Variants in ASS1 observed in about 807,000 individuals in gnomAD.
ASS1 encodes argininosuccinate synthase 1.
Under a neutral mutation model 60.5 loss-of-function variants are expected in ASS1, and 58 were observed. The ratio of observed to expected loss-of-function variants is 0.96; its 90% CI spans 0.78 to 1.19. The LOEUF is 1.19. Among genes scored for constraint, ASS1 ranks in the 50% most tolerant of loss-of-function variants. ASS1 has a pLI of 0.00. For missense variants in ASS1, 454 were observed against 547.3 expected, an observed-to-expected ratio of 0.83 and a Z score of 1.70; for synonymous variants, 200 against 206.9, an observed-to-expected ratio of 0.97 and a Z score of 0.29.
intron 1 of ASS1, among the ~76,000 whole-genome samples, chr9:130,445,531 G>A (rs1429386593): frequency 1.3e-5 from 2 of 152,228 alleles, no homozygotes; most frequent in African/African-American, 4.8e-5. Context: ...AGATGGGCAT[G>A]GTGGCCCTGG....
At chr9:130,450,051 C>T (rs1011827928) in intron 1 of ASS1, among the ~76,000 whole-genome samples, 2 of 152,204 alleles carry the variant, frequency 1.3e-5, no homozygotes, top group Non-Finnish European at 2.9e-5. Flanking sequence ...ACACCACCCG[C>T]GCCATCACAC....
intron 2 of ASS1, 88 bp downstream of exon 2, chr9:130,452,421 C>A: frequency 8.6e-7 from 1 of 1,157,708 alleles, no homozygotes; most frequent in Non-Finnish European, 1.3e-6. Context: ...GGGTTGTCAG[C>A]CTGTCTGCTC....
intron 1 of ASS1, among the ~76,000 whole-genome samples, chr9:130,448,144 G>T (rs1209677827): frequency 1.3e-5 from 2 of 151,858 alleles, no homozygotes; most frequent in African/African-American, 4.8e-5. Context: ...TTTGCCTCGG[G>T]CTGCAAATGC....
chr9:130,487,400 G>GTTT (rs34339017), intron 11 of ASS1, among the ~76,000 whole-genome samples: 1 of 147,516 alleles, frequency 6.8e-6, no homozygotes, highest in African/African-American at 2.5e-5. Context: ...ATCCTTCATG[G>GTTT]TTTTTTTTTT....
At chr9:130,496,168 C>T (rs1262206911) in intron 13 of ASS1, among the ~76,000 whole-genome samples, 3 of 152,064 alleles carry the variant, frequency 2.0e-5, no homozygotes. Flanking sequence ...CACCTGTAAT[C>T]CCAACTCTTT....
intron 4 of ASS1, among the ~76,000 whole-genome samples, chr9:130,462,470 CAG>C (rs940677716): frequency 6.6e-6 from 1 of 152,160 alleles, no homozygotes; most frequent in Non-Finnish European, 1.5e-5. Flanking sequence ...GAGACGAGGG[CAG>C]AGTTTGAACC....
At position 130,494,742 on chromosome 9, in the gene ASS1, G is replaced by A. The variant is rs367732408; in HGVS notation, c.971-125G>A. On this transcript the variant is annotated intron_variant, in intron 12 of 14. Transcript: ENST00000352480. The surrounding 1 kb of genome is among the most constrained non-coding windows in gnomAD (Gnocchi z 4.3). ...GGCAAGCGCACATTGTGCCAGTCTC[G>A]CGGGAGGCAGTCATGGTCTGCATGG... is the stretch of plus-strand genomic sequence containing the variant. 55 of 1,270,270 alleles carry A rather than the reference G, an allele frequency of 4.3e-5. No homozygotes were observed. Among genetic ancestry groups the A allele is most frequent in the African/African-American group, 1.2e-4 (8 of 68,010 alleles). The allele number at this position is 1,270,270 out of a possible 1,614,324, so 78.7% of individuals were successfully genotyped here.
chr9:130,458,686 G>T, intron 4 of ASS1, 97 bp downstream of exon 4: 2 of 1,488,884 alleles, frequency 1.3e-6, no homozygotes, highest in South Asian at 2.5e-5. Context: ...GTGTGCCTCC[G>T]GGGCAGACTT....
intron 5 of ASS1, among the ~76,000 whole-genome samples, chr9:130,465,067 T>TTCTTTTTC (rs1845703383): frequency 1.4e-5 from 2 of 147,470 alleles, no homozygotes; most frequent in Non-Finnish European, 3.0e-5. Context: ...TTTTTTTTTT[T>TTCTTTTTC]TCTTTTTCTG....
chr9:130,481,526 C>T (rs537605060), intron 11 of ASS1, among the ~76,000 whole-genome samples: 67 of 152,332 alleles, frequency 4.4e-4, no homozygotes, highest in Admixed American at 4.1e-3. Flanking sequence ...CCGATCACCC[C>T]ATGTGGGCCA....
chr9:130,461,381 G>A (rs1011059428), intron 4 of ASS1, among the ~76,000 whole-genome samples: 1 of 136,980 alleles, frequency 7.3e-6, no homozygotes, highest in African/African-American at 2.5e-5. Context: ...AGGCCTTGGG[G>A]GCCGACAAAG....
intron 13 of ASS1, among the ~76,000 whole-genome samples, chr9:130,498,519 C>A (rs1192040312): frequency 2.6e-5 from 4 of 152,234 alleles, no homozygotes; most frequent in African/African-American, 9.6e-5. Flanking sequence ...TTCCTTGGCA[C>A]CTGGCCCAGC....
intron 6 of ASS1, among the ~76,000 whole-genome samples, chr9:130,468,830 G>A (rs918798633): frequency 2.2e-4 from 34 of 152,206 alleles, no homozygotes; most frequent in African/African-American, 8.0e-4. Flanking sequence ...TACAAGGTGG[G>A]AGCTAGAAAC....
At chr9:130,454,883 C>T (rs1845406343) in intron 3 of ASS1, among the ~76,000 whole-genome samples, 2 of 151,548 alleles carry the variant, frequency 1.3e-5, no homozygotes, top group Non-Finnish European at 2.9e-5. Context: ...ATCCACCCAT[C>T]CATCCATCAC....
chr9:130,495,771 A>G (rs754556230), intron 13 of ASS1, among the ~76,000 whole-genome samples: 1 of 152,040 alleles, frequency 6.6e-6, no homozygotes, highest in Non-Finnish European at 1.5e-5. Context: ...TGATTCCTGG[A>G]CTAGATAGCA....
chr9:130,478,047 C>A lies in ASS1; in HGVS notation c.688+1086C>A, dbSNP rs926684009. 1.3e-5 allele frequency among the ~76,000 whole-genome samples: 2 copies of A among 152,180 alleles called. No homozygotes were observed. ...GGCCTTGGGTGCACTCATCAAAAAA[C>A]GGACCACAGGCATGATGCTCACAGG... On this transcript the variant is annotated intron_variant, in intron 9 of 14. Coordinates refer to ENST00000352480, the MANE Select transcript of ASS1 (RefSeq NM_054012.4). The surrounding 1 kb of genome is among the most constrained non-coding windows in gnomAD (Gnocchi z 4.7).
In ASS1 at chr9:130,491,456, G is replaced by A. The variant is rs551827272; in HGVS notation, c.970+1992G>A. 7.9e-5 allele frequency among the ~76,000 whole-genome samples: 12 copies of A among 152,312 alleles called. No homozygotes were observed. In the South Asian group the frequency reaches 2.5e-3, roughly 32 times the overall value. ...TATTATCTAATATTAGCTGCGCAGAGGTGAGGAAACGGAGGCCCCCAGGTG... is the reference window on the plus strand; with the variant it reads ...TATTATCTAATATTAGCTGCGCAGAAGTGAGGAAACGGAGGCCCCCAGGTG... On this transcript the variant is annotated intron_variant, in intron 12 of 14. Coordinates refer to ENST00000352480, the MANE Select transcript of ASS1 (RefSeq NM_054012.4). The surrounding 1 kb of genome is among the most constrained non-coding windows in gnomAD (Gnocchi z 5.3).
At chr9:130,451,589 TCTC>T (rs1845327062) in intron 1 of ASS1, 1 of 348,862 alleles carries the variant, frequency 2.9e-6, no homozygotes, top group African/African-American at 2.1e-5. Context: ...ACAGCATCCT[TCTC>T]CACCTGCAGG....
rs142638337 is a variant in ASS1 at position 130,489,285 on chromosome 9, C to T, written c.839-48C>T. On this transcript the variant is annotated intron_variant, in intron 11 of 14. Coordinates refer to ENST00000352480, the MANE Select transcript of ASS1 (RefSeq NM_054012.4). The surrounding 1 kb of genome is among the most constrained non-coding windows in gnomAD (Gnocchi z 4.1). The stretch of plus-strand genomic sequence containing the variant: ...ATTTGCTGACAGTTTGGGTTTCATG[C>T]GTTTCTCTCTTTTTTCTCCTTTTCC... The T allele has an allele frequency of 9.7e-5, 155 of 1,605,526 alleles. 2 individuals carry two copies. The South Asian group carries it at 1.5e-3, about 16-fold the overall frequency.
Sources: allele counts gnomAD v4.1 joint callset (sites outside exome capture counted in the v4.1 genomes callset), GRCh38; gene constraint gnomAD v4.1.1; non-coding constraint Gnocchi (gnomAD v3.1); transcripts MANE v1.5; gene names NCBI Gene and HGNC (gene_info 2026-07-23, HGNC 2026-07-21).